Variants in TRMT11 observed in about 807,000 individuals in gnomAD.
The protein encoded by TRMT11 is tRNA (guanine(10)-N(2))-methyltransferase TRMT11.
TRMT11 carries 53 observed loss-of-function variants against 62.8 expected under a neutral mutation model. The ratio of observed to expected loss-of-function variants is 0.84; its 90% CI spans 0.68 to 1.06. TRMT11 has a LOEUF of 1.06. Ranked by LOEUF, TRMT11 falls within the 50% of genes least tolerant of loss-of-function variation. The probability of loss-of-function intolerance (pLI) is 0.00; values close to 1 mark genes in which losing one functional copy is unlikely to be tolerated. For missense variants in TRMT11, 556 were observed against 553.4 expected (o/e 1.00, Z -0.05); for synonymous variants, 188 against 190.3 (o/e 0.99, Z 0.10).
At chr6:126,180,214 A>G (rs963873098) in intron 1 of TRMT11, among the ~76,000 whole-genome samples, 1 of 152,204 alleles carries the variant, frequency 6.6e-6, no homozygotes, top group Non-Finnish European at 1.5e-5. Context: ...GATGATCTAC[A>G]AAGATTACCT....
chr6:126,003,372 T>A (rs1792834861), intron 7 of TRMT11, among the ~76,000 whole-genome samples: 1 of 152,080 alleles, frequency 6.6e-6, no homozygotes, highest in Non-Finnish European at 1.5e-5. Context: ...GCCAAAAGAT[T>A]GGACCCCTCT....
the TRMT11 span, among the ~76,000 whole-genome samples, chr6:126,268,606 TG>T: frequency 6.6e-6 from 1 of 152,198 alleles, no homozygotes; most frequent in Admixed American, 6.5e-5. Flanking sequence ...GGCTGAGACT[TG>T]AGCCTCTTTC....
the TRMT11 span, among the ~76,000 whole-genome samples, chr6:126,237,335 G>A: frequency 6.6e-6 from 1 of 152,112 alleles, no homozygotes; most frequent in African/African-American, 2.4e-5. Context: ...CATCTCCTCT[G>A]CTGGAAAATC....
chr6:126,169,713 CCTT>C (rs1486707162), intron 21 of TRMT11, among the ~76,000 whole-genome samples: 3 of 152,162 alleles, frequency 2.0e-5, no homozygotes, highest in African/African-American at 7.2e-5. Flanking sequence ...CTTTTCAACT[CCTT>C]CTGCCTAGAG....
intron 21 of TRMT11, among the ~76,000 whole-genome samples, chr6:126,155,781 C>T (rs1017364477): frequency 2.0e-5 from 3 of 152,150 alleles, no homozygotes; most frequent in African/African-American, 4.8e-5. Flanking sequence ...AGTGCAGTGG[C>T]GCAGTCTCAG....
intron 9 of TRMT11, 101 bp from the exon 10 acceptor site, chr6:126,012,670 T>C: frequency 1.3e-6 from 1 of 769,604 alleles, no homozygotes; most frequent in South Asian, 1.7e-5. Flanking sequence ...TGATGTTGTG[T>C]TCTTCTCAGG....
At chr6:126,127,597 G>A (rs1777732308) in intron 21 of TRMT11, among the ~76,000 whole-genome samples, 1 of 151,548 alleles carries the variant, frequency 6.6e-6, no homozygotes, top group Non-Finnish European at 1.5e-5. Context: ...TTGGTGTGCT[G>A]CACCCATTAA....
intron 17 of TRMT11, among the ~76,000 whole-genome samples, chr6:126,109,432 T>C (rs776107279): frequency 1.7e-4 from 26 of 152,306 alleles, no homozygotes; most frequent in Non-Finnish European, 3.5e-4. Flanking sequence ...TTCCTCATGA[T>C]TGCACCGAAG....
At chr6:126,072,771 TCA>T (rs1776895065) in intron 17 of TRMT11, among the ~76,000 whole-genome samples, 1 of 152,148 alleles carries the variant, frequency 6.6e-6, no homozygotes, top group South Asian at 2.1e-4. Flanking sequence ...TATTGTATCC[TCA>T]CATGGCAGAG....
chr6:126,204,730 T>C (rs558260271), downstream of TRMT11, among the ~76,000 whole-genome samples: 2 of 152,010 alleles, frequency 1.3e-5, no homozygotes, highest in East Asian at 3.9e-4. Context: ...TCTTTGTGTC[T>C]ATCTGAGACT....
chr6:126,127,692 C>A (rs973046208), intron 21 of TRMT11, among the ~76,000 whole-genome samples: 1 of 127,664 alleles, frequency 7.8e-6, no homozygotes. Flanking sequence ...GTGTGATGTT[C>A]CCCTTCCTGT....
chr6:126,224,071 G>T, the TRMT11 span, among the ~76,000 whole-genome samples: 7 of 152,016 alleles, frequency 4.6e-5, no homozygotes, highest in African/African-American at 1.7e-4. Context: ...TAGATTTTTT[G>T]AATTGGGTTT....
rs114337330 is a variant in TRMT11 at position 126,109,762 on chromosome 6, G to A, written c.*1438-3104G>A. ...TTATATTTTATGTGCCACATAGGTG[G>A]CATTGAACAAATGTCATCTATTAGT... On this transcript the variant is annotated intron_variant and NMD_transcript_variant, in intron 17 of 22. Transcript: ENST00000648977. Among the ~76,000 whole-genome samples the A allele has an allele frequency of 8.9e-3, 1,351 of 152,286 alleles. 21 individuals carry two copies. The highest frequency in any genetic ancestry group is 0.03 in the African/African-American group (1,247 of 41,566).
intron 16 of TRMT11, among the ~76,000 whole-genome samples, chr6:126,051,544 G>A (rs1218964570): frequency 3.3e-5 from 5 of 152,190 alleles, no homozygotes; most frequent in Non-Finnish European, 7.3e-5. Flanking sequence ...TGTCATGGAG[G>A]TAGATATGAA....
chr6:126,197,402 C>A (rs1778679027), intron 1 of TRMT11, among the ~76,000 whole-genome samples: 1 of 152,160 alleles, frequency 6.6e-6, no homozygotes, highest in African/African-American at 2.4e-5. Context: ...CATGTTTTAT[C>A]CAGAGGCTGA....
chr6:126,020,665 GAT>G (rs1478749976), intron 11 of TRMT11, among the ~76,000 whole-genome samples: 1 of 152,202 alleles, frequency 6.6e-6, no homozygotes, highest in Non-Finnish European at 1.5e-5. Flanking sequence ...ACGTAATAGA[GAT>G]GTTTTTAAAT....
intron 17 of TRMT11, among the ~76,000 whole-genome samples, chr6:126,066,345 A>G (rs572871486): frequency 1.3e-5 from 2 of 152,352 alleles, no homozygotes; most frequent in South Asian, 4.1e-4. Flanking sequence ...AGTGACATCA[A>G]CAACAAATAC....
At chr6:126,175,950 C>T (rs1239117713), upstream of TRMT11, among the ~76,000 whole-genome samples, 1 of 152,166 alleles carries the variant, frequency 6.6e-6, no homozygotes, top group African/African-American at 2.4e-5. Flanking sequence ...CCCTGGGTCT[C>T]CTTTCCCTCT....
At chr6:126,245,941 A>T in the TRMT11 span, among the ~76,000 whole-genome samples, 45 of 152,294 alleles carry the variant, frequency 3.0e-4, no homozygotes, top group African/African-American at 1.1e-3. Context: ...CTATTATAAA[A>T]AAAGAAAAGA....
Sources: gnomAD v4.1 joint callset for allele counts (sites outside exome capture counted in the v4.1 genomes callset) on GRCh38, gnomAD v4.1.1 for gene constraint, MANE v1.5 for transcripts, NCBI Gene and HGNC (gene_info 2026-07-23, HGNC 2026-07-21) for gene names.